Variants in GKN2 observed in about 807,000 individuals in gnomAD.
The protein encoded by GKN2 is gastrokine 2, also known as gastrokine-2.
Under a neutral mutation model 22.7 loss-of-function variants are expected in GKN2, and 17 were observed. The ratio of observed to expected loss-of-function variants is 0.75; its 90% CI spans 0.51 to 1.13. The LOEUF (loss-of-function observed/expected upper bound fraction) is 1.13. GKN2 is among the 50% of genes most tolerant of loss of function. GKN2 has a pLI of 0.00. For synonymous variants in GKN2, 82 were observed against 79.6 expected, an observed-to-expected ratio of 1.03 and a Z score of -0.16; for missense variants, 248 against 221.4, an observed-to-expected ratio of 1.12 and a Z score of -0.76.
At chr2:68,950,346 G>A in intron 2 of GKN2, 83 bp from the exon 3 acceptor site, 2 of 1,354,816 alleles carry the variant, frequency 1.5e-6, no homozygotes, top group South Asian at 1.4e-5. Flanking sequence ...TAAAGCAGCT[G>A]CCTGCTATGA....
In GKN2 at chr2:68,945,486, A is replaced by G. The variant is rs777296912; in HGVS notation, c.473-36T>C. On this transcript the variant is annotated intron_variant, in intron 5 of 5. Coordinates refer to ENST00000328895, the MANE Select transcript of GKN2 (RefSeq NM_182536.3). ...GAAAATTTTTCAGAGAAAGAGCATT[A>G]AAAAATATATTATTGGAATTATTAG... is the stretch of plus-strand genomic sequence containing the variant. 1.7e-5 allele frequency: 24 copies of G among 1,400,384 alleles called. No individual in the cohort carries two copies. The South Asian group carries it at 2.7e-4, about 16-fold the overall frequency. 86.7% of individuals were successfully genotyped at this position (1,400,384 alleles called of 1,614,324 possible).
Position 68,950,772 on chromosome 2 carries a change from C to A in GKN2, c.13-17G>T, listed in dbSNP as rs372448483. On this transcript the variant is annotated splice_polypyrimidine_tract_variant and intron_variant, in intron 1 of 5. Coordinates refer to ENST00000328895, the MANE Select transcript of GKN2 (RefSeq NM_182536.3). ...AAATGCCACCTGAAAAACAGACCCACCACATCCATTCTTTATAGGGTAGTC... is the reference window on the plus strand; with the variant it reads ...AAATGCCACCTGAAAAACAGACCCAACACATCCATTCTTTATAGGGTAGTC... 6.2e-7 allele frequency: 1 copy of A among 1,613,536 alleles called. No individual in the cohort carries two copies. Among genetic ancestry groups the A allele is most frequent in the South Asian group, 1.1e-5 (1 of 91,068 alleles).
chr2:68,950,002 G>A (rs1193584483), intron 3 of GKN2, 124 bp downstream of exon 3: 1 of 720,892 alleles, frequency 1.4e-6, no homozygotes, highest in Admixed American at 3.6e-5. Context: ...TGAAAGTGAG[G>A]AATTCTTAAA....
In GKN2 at chr2:68,946,416, G is replaced by A. The variant is rs762778794; in HGVS notation, c.360C>T (p.Tyr120=). The A allele has an allele frequency of 9.9e-6, 16 of 1,613,386 alleles. No homozygotes were observed. In the South Asian group the frequency reaches 1.8e-4, roughly 18 times the overall value. Residue 120 remains tyrosine (Y), a synonymous_variant, in exon 5 of 6, where the codon TAC becomes TAT. Transcript: ENST00000328895. ...CTTTGATCAGAGACTCCAGAGGGTT[G>A]TACTTGACCCAGGTGTATTTGCTGG... ...MFSSKYTWVK[Y]NPLESLIKDV...
Position 68,951,484 on chromosome 2 carries a change from A to G in GKN2, c.13-729T>C, listed in dbSNP as rs144192343. Reference sequence around the variant, plus strand: ...GTACCCTCTCTTCTGAACATCAGTGAACTGTACTATCGCTGAAAACTACAT... The same window carrying G: ...GTACCCTCTCTTCTGAACATCAGTGGACTGTACTATCGCTGAAAACTACAT... On this transcript the variant is annotated intron_variant, in intron 1 of 5. Transcript: ENST00000328895. 2.2e-3 allele frequency among the ~76,000 whole-genome samples: 330 copies of G among 152,358 alleles called. 1 individual carries two copies. Among genetic ancestry groups the G allele is most frequent in the African/African-American group, 7.6e-3 (316 of 41,582 alleles).
At chr2:68,952,743 A>G in intron 1 of GKN2, 107 bp downstream of exon 1, 1 of 1,051,450 alleles carries the variant, frequency 9.5e-7, no homozygotes, top group South Asian at 1.6e-5. Flanking sequence ...GCTTAGAAGC[A>G]TGCACAGTAT....
chr2:68,946,111 G>C, intron 5 of GKN2, 193 bp downstream of exon 5: 1 of 477,092 alleles, frequency 2.1e-6, no homozygotes, highest in Non-Finnish European at 3.7e-6. Flanking sequence ...GTGTTCCCTG[G>C]AGACGTTTAA....
chr2:68,947,215 T>C lies in GKN2; in HGVS notation c.247A>G (p.Ile83Val). Residue 83 changes from isoleucine (I) to valine (V), a missense_variant, in exon 4 of 6, where the codon ATC becomes GTC. By Grantham distance (29) the Ile-to-Val change is conservative. Transcript: ENST00000328895. ...SRVLSRRACF[I>V]LKMDHQNIPP... ...ATGTTCTGATGGTCCATCTTCAGGA[T>C]AAAGCAGGCTCTTCGGGAGAGCACC... 1.2e-6 allele frequency: 2 copies of C among 1,613,994 alleles called. No homozygotes were observed. Among genetic ancestry groups the C allele is most frequent in the Non-Finnish European group, 1.7e-6 (2 of 1,179,890 alleles).
intron 3 of GKN2, among the ~76,000 whole-genome samples, chr2:68,948,709 T>C (rs1669810253): frequency 6.6e-6 from 1 of 152,214 alleles, no homozygotes; most frequent in Non-Finnish European, 1.5e-5. Flanking sequence ...GAGTGAAAAT[T>C]GTCTCTACAG....
chr2:68,947,138 C>T lies in GKN2; in HGVS notation c.315+9G>A. 1 of 1,551,614 alleles carries T rather than the reference C, an allele frequency of 6.4e-7. No individual in the cohort carries two copies. Among genetic ancestry groups the T allele is most frequent in the Non-Finnish European group, 8.9e-7 (1 of 1,122,862 alleles). ...GAACAGAGAATACTCAAGAGTGCCC[C>T]AGAATTACCTGTTTCTCATAGATGT... On this transcript the variant is annotated intron_variant, in intron 4 of 5. Transcript: ENST00000328895.
chr2:68,945,731 GT>G (rs2103887570), intron 5 of GKN2: 1 of 280,078 alleles, frequency 3.6e-6, no homozygotes, highest in African/African-American at 2.1e-5. Context: ...CCTTTGTTGT[GT>G]TCATCATCAG....
chr2:68,947,493 C>T (rs765405519), intron 3 of GKN2, among the ~76,000 whole-genome samples: 1 of 152,134 alleles, frequency 6.6e-6, no homozygotes, highest in Non-Finnish European at 1.5e-5. Context: ...CTATATTCTG[C>T]TTTTCATGTC....
At position 68,950,755 on chromosome 2, in the gene GKN2, C is replaced by T; in HGVS notation, c.13G>A (p.Val5Met). Residue 5 changes from valine to methionine, a missense_variant and splice_region_variant, in exon 2 of 6, where the codon GTG becomes ATG. Transcript: ENST00000328895. The stretch of plus-strand genomic sequence containing the variant: ...ATGGTCAGCACCACCAGAAATGCCA[C>T]CTGAAAAACAGACCCACCACATCCA... MKIL[V>M]AFLVVLTIFG... 1 of 1,614,082 alleles carries T rather than the reference C, an allele frequency of 6.2e-7. No homozygotes were observed. Among genetic ancestry groups the T allele is most frequent in the Non-Finnish European group, 8.5e-7 (1 of 1,179,980 alleles).
intron 1 of GKN2, among the ~76,000 whole-genome samples, chr2:68,952,016 C>A (rs541617220): frequency 1.3e-5 from 2 of 152,214 alleles, no homozygotes; most frequent in Admixed American, 1.3e-4. Context: ...AGGTACTTAA[C>A]ATTTTGCTTT....
At chr2:68,947,283 G>T in intron 3 of GKN2, 26 bp from the exon 4 acceptor site, 2 of 1,436,916 alleles carry the variant, frequency 1.4e-6, no homozygotes, top group East Asian at 2.3e-5. Context: ...TACAGTTACT[G>T]TTCCTCCCTA....
In GKN2 at chr2:68,952,842, A is replaced by G. The variant is rs6720316; in HGVS notation, c.12+8T>C. 9,759 of 1,613,874 alleles carry G rather than the reference A, an allele frequency of 6.0e-3. 434 individuals carry two copies. In the African/African-American group the frequency reaches 0.11, roughly 18 times the overall value. ...CAAGAGTATCAAGAAGCAGAAACAA[A>G]TACTCACAAGTATTTTCATTTTGCC... is the stretch of plus-strand genomic sequence containing the variant. On this transcript the variant is annotated splice_region_variant and intron_variant, in intron 1 of 5. Coordinates refer to ENST00000328895, the MANE Select transcript of GKN2 (RefSeq NM_182536.3).
Position 68,952,866 on chromosome 2 carries a change from C to T in GKN2, c.-5G>A. ...AATACTCACAAGTATTTTCATTTTG[C>T]CTGGGAGAGGAAGGTGCTGGAGTAA... On this transcript the variant is annotated 5_prime_UTR_variant, in exon 1 of 6. Transcript: ENST00000328895. 6.2e-7 allele frequency: 1 copy of T among 1,613,836 alleles called. No individual in the cohort carries two copies. Among genetic ancestry groups the T allele is most frequent in the Non-Finnish European group, 8.5e-7 (1 of 1,179,896 alleles).
chr2:68,950,119 T>G lies in GKN2; in HGVS notation c.204+7A>C. ...CTGATGAATATGAAAATTCATTTGC[T>G]GCTTACATGTTTATAGTCAAAAATT... On this transcript the variant is annotated splice_region_variant and intron_variant, in intron 3 of 5. Transcript: ENST00000328895. 6.2e-7 allele frequency: 1 copy of G among 1,611,896 alleles called. No homozygotes were observed. Among genetic ancestry groups the G allele is most frequent in the Non-Finnish European group, 8.5e-7 (1 of 1,179,124 alleles).
At chr2:68,951,488 G>A (rs1669855852) in intron 1 of GKN2, among the ~76,000 whole-genome samples, 1 of 152,220 alleles carries the variant, frequency 6.6e-6, no homozygotes, top group Admixed American at 6.5e-5. Context: ...TCAGTGAACT[G>A]TACTATCGCT....
Sources: allele counts gnomAD v4.1 joint callset (sites outside exome capture counted in the v4.1 genomes callset), GRCh38; gene constraint gnomAD v4.1.1; transcripts MANE v1.5; gene names NCBI Gene and HGNC (gene_info 2026-07-23, HGNC 2026-07-21).